KCNMA1: variants seen among roughly 807,000 people sequenced by gnomAD.
The protein encoded by KCNMA1 is potassium calcium-activated channel subfamily M alpha 1.
A neutral mutation model predicts 140.0 loss-of-function variants in KCNMA1; 29 were observed. That is an observed-to-expected ratio of 0.21 (90% CI 0.15 to 0.28). The LOEUF is 0.28. KCNMA1 is among the 10% of genes least tolerant of loss of function. The pLI is 1.00. For missense variants in KCNMA1, 880 were observed against 1,602.2 expected, an observed-to-expected ratio of 0.55 and a Z score of 7.70; for synonymous variants, 612 against 611.9, an observed-to-expected ratio of 1.00 and a Z score of 0.00.
In KCNMA1 at chr10:76,977,733, G is replaced by T. The variant is rs73288573; in HGVS notation, c.2267-7666C>A. ...TTGGGAGGAACAGAGGTAGCTTAGTGACTCTACTGTCCCTACCACCCAACC... is the reference window on the plus strand; with the variant it reads ...TTGGGAGGAACAGAGGTAGCTTAGTTACTCTACTGTCCCTACCACCCAACC... On this transcript the variant is annotated intron_variant, in intron 19 of 27. Coordinates refer to ENST00000286628, the MANE Select transcript of KCNMA1 (RefSeq NM_001161352.2). The T allele has an allele frequency of 1.5e-3, 1,001 of 686,970 alleles. 8 individuals carry two copies. In the African/African-American group the frequency reaches 0.016, roughly 11 times the overall value. 42.6% of individuals were successfully genotyped at this position (686,970 alleles called of 1,614,324 possible). A position where few individuals can be genotyped will look rare whatever the true frequency, so the allele number is the denominator to read the frequency against.
At chr10:76,947,106 G>A (rs2064251109) in intron 22 of KCNMA1, among the ~76,000 whole-genome samples, 1 of 152,222 alleles carries the variant, frequency 6.6e-6, no homozygotes, top group African/African-American at 2.4e-5. Flanking sequence ...AGGCCGAGGT[G>A]GGTGGATCAC....
intron 1 of KCNMA1, among the ~76,000 whole-genome samples, chr10:77,439,160 AAGAAAAGAAAAGAG>A (rs2097339950): frequency 1.5e-5 from 2 of 136,786 alleles, no homozygotes; most frequent in South Asian, 2.5e-4. Flanking sequence ...AAGAGAAGAG[AAGAAAAGAAAAGAG>A]AAGAGAAGAT....
chr10:76,973,206 C>A (rs1020839503), intron 19 of KCNMA1: 1 of 152,114 alleles, frequency 6.6e-6, no homozygotes, highest in African/African-American at 2.4e-5. Context: ...AAGATATGAT[C>A]CTTTAAAGAA....
chr10:77,173,617 C>T (rs1293966110), intron 5 of KCNMA1, among the ~76,000 whole-genome samples: 1 of 152,190 alleles, frequency 6.6e-6, no homozygotes, highest in Non-Finnish European at 1.5e-5. Flanking sequence ...CCCCCAACCC[C>T]CACTCTCCTA....
intron 1 of KCNMA1, among the ~76,000 whole-genome samples, chr10:77,576,550 TCCTA>T (rs2074183380): frequency 6.6e-6 from 1 of 152,176 alleles, no homozygotes; most frequent in Non-Finnish European, 1.5e-5. Flanking sequence ...GAGACGTGCT[TCCTA>T]AGTGTCCACC....
At chr10:77,493,426 T>A (rs1487546609) in intron 1 of KCNMA1, among the ~76,000 whole-genome samples, 1 of 152,260 alleles carries the variant, frequency 6.6e-6, no homozygotes, top group Non-Finnish European at 1.5e-5. Context: ...GGGCAGGCAC[T>A]GCTGTGTGGT....
chr10:77,461,680 G>A (rs1221095347), intron 1 of KCNMA1, among the ~76,000 whole-genome samples: 3 of 152,156 alleles, frequency 2.0e-5, no homozygotes, highest in African/African-American at 4.8e-5. Context: ...TACGGGGCTT[G>A]TTGCCCCAAC....
intron 1 of KCNMA1, among the ~76,000 whole-genome samples, chr10:77,442,985 G>A (rs1040209750): frequency 6.6e-6 from 1 of 152,210 alleles, no homozygotes; most frequent in Non-Finnish European, 1.5e-5. Flanking sequence ...AAGGTGTGGG[G>A]GAGAGCCCTC....
Position 77,623,552 on chromosome 10 carries a change from A to C in KCNMA1, c.378+13713T>G, listed in dbSNP as rs914957221. On this transcript the variant is annotated intron_variant, in intron 1 of 27. Transcript: ENST00000286628. ...CTCTACTAAAAATACAAAAAAAAAA[A>C]ATTAGCTGTTCATGATGGTGCATGT... is the stretch of plus-strand genomic sequence containing the variant. 5.3e-5 allele frequency among the ~76,000 whole-genome samples: 8 copies of C among 152,040 alleles called. No homozygotes were observed. The East Asian group carries it at 1.4e-3, about 26-fold the overall frequency.
At chr10:77,208,897 G>A (rs1332894642) in intron 3 of KCNMA1, among the ~76,000 whole-genome samples, 1 of 152,146 alleles carries the variant, frequency 6.6e-6, no homozygotes, top group Non-Finnish European at 1.5e-5. Flanking sequence ...CCTGTCAACT[G>A]CTGTAAGATC....
chr10:77,178,367 T>C (rs1471168582), intron 5 of KCNMA1, among the ~76,000 whole-genome samples: 3 of 152,164 alleles, frequency 2.0e-5, no homozygotes, highest in Non-Finnish European at 2.9e-5. Context: ...ATCATTACTT[T>C]CCTCCTACTC....
At chr10:77,030,057 A>G (rs965490400) in intron 15 of KCNMA1, among the ~76,000 whole-genome samples, 4 of 152,224 alleles carry the variant, frequency 2.6e-5, no homozygotes, top group Non-Finnish European at 4.4e-5. Context: ...CATGCTCTCC[A>G]GGGAGTGAAA....
chr10:77,035,021 G>A (rs561386360), intron 15 of KCNMA1, among the ~76,000 whole-genome samples: 2 of 152,094 alleles, frequency 1.3e-5, no homozygotes, highest in Admixed American at 1.3e-4. Context: ...GCCCTCCCTG[G>A]GGGTAGGGGA....
chr10:77,502,069 T>A (rs972315915), intron 1 of KCNMA1, among the ~76,000 whole-genome samples: 4 of 152,080 alleles, frequency 2.6e-5, no homozygotes, highest in African/African-American at 9.7e-5. Context: ...AGAGAGGCCC[T>A]AAGGCAGCCC....
At chr10:77,558,991 C>T (rs1212700354) in intron 1 of KCNMA1, among the ~76,000 whole-genome samples, 2 of 152,162 alleles carry the variant, frequency 1.3e-5, no homozygotes, top group Non-Finnish European at 2.9e-5. Context: ...TGCAGTGAAG[C>T]TCCAGGGCTA....
chr10:77,506,330 C>T (rs747822088), intron 1 of KCNMA1, among the ~76,000 whole-genome samples: 10 of 152,170 alleles, frequency 6.6e-5, no homozygotes, highest in Non-Finnish European at 1.0e-4. Flanking sequence ...CTAAGGGAGC[C>T]CCCCTACTCT....
chr10:76,963,973 G>A (rs1287123842), intron 20 of KCNMA1, among the ~76,000 whole-genome samples: 1 of 151,980 alleles, frequency 6.6e-6, no homozygotes, highest in African/African-American at 2.4e-5. Context: ...CACCATAAAT[G>A]GTTCCAACTG....
At chr10:77,613,481 AT>A (rs1433223233) in intron 1 of KCNMA1, among the ~76,000 whole-genome samples, 1 of 152,236 alleles carries the variant, frequency 6.6e-6, no homozygotes, top group Non-Finnish European at 1.5e-5. Context: ...CTATCAAGGC[AT>A]TTGGGCCAAC....
chr10:77,078,344 G>A (rs891327838), intron 13 of KCNMA1, among the ~76,000 whole-genome samples: 3 of 152,098 alleles, frequency 2.0e-5, no homozygotes, highest in Non-Finnish European at 4.4e-5. Context: ...CCCTAAAGCT[G>A]TTTTTTTGGA....
Sources: allele counts gnomAD v4.1 joint callset (sites outside exome capture counted in the v4.1 genomes callset), GRCh38; gene constraint gnomAD v4.1.1; transcripts MANE v1.5; gene names NCBI Gene and HGNC (gene_info 2026-07-23, HGNC 2026-07-21).